The following FBXL2 variants were observed in gnomAD, a reference collection of about 807,000 sequenced individuals.
FBXL2 encodes F-box/LRR-repeat protein 2.
Under a neutral mutation model 69.2 loss-of-function variants are expected in FBXL2, and 38 were observed. The ratio of observed to expected loss-of-function variants is 0.55; its 90% CI spans 0.42 to 0.72. The LOEUF is 0.72. Ranked by LOEUF, FBXL2 falls within the 30% of genes least tolerant of loss-of-function variation. The pLI is 0.00. For synonymous variants in FBXL2, 192 were observed against 201.3 expected (o/e 0.95, Z 0.39); for missense variants, 354 against 520.3 (o/e 0.68, Z 3.11).
chr3:33,281,031 A>AT (rs2033941356), intron 1 of FBXL2, among the ~76,000 whole-genome samples: 1 of 152,096 alleles, frequency 6.6e-6, no homozygotes, highest in African/African-American at 2.4e-5. Context: ...CATTAAAGTG[A>AT]TTTTTTTAAT....
At chr3:33,364,422 T>TA in intron 4 of FBXL2, 1 of 589,346 alleles carries the variant, frequency 1.7e-6, no homozygotes, top group East Asian at 2.9e-5. Flanking sequence ...TTAGAATACT[T>TA]AATGCTTTAA....
chr3:33,376,149 C>G (rs2042621950), intron 10 of FBXL2, among the ~76,000 whole-genome samples: 1 of 143,666 alleles, frequency 7.0e-6, no homozygotes, highest in Non-Finnish European at 1.5e-5. Flanking sequence ...AGAGTGAGAC[C>G]CCATCTCAAA....
chr3:33,373,728 TTTGTG>T, intron 8 of FBXL2, 24 bp downstream of exon 8: 1 of 1,614,110 alleles, frequency 6.2e-7, no homozygotes, highest in Non-Finnish European at 8.5e-7. Context: ...GATACAGCTG[TTTGTG>T]TTATGTGTCA....
At chr3:33,390,292 A>G (rs531586490), downstream of FBXL2, 19 of 1,593,000 alleles carry the variant, frequency 1.2e-5, no homozygotes, top group South Asian at 1.6e-4. Context: ...TTTAAGCGTG[A>G]CTATTTGGTA....
intron 13 of FBXL2, among the ~76,000 whole-genome samples, chr3:33,379,295 C>T (rs1247716668): frequency 6.6e-6 from 1 of 151,688 alleles, no homozygotes; most frequent in East Asian, 1.9e-4. Flanking sequence ...AGCTACCGCA[C>T]CTGACCTGAA....
At chr3:33,363,414 G>T (rs2041762159) in intron 4 of FBXL2, among the ~76,000 whole-genome samples, 1 of 152,198 alleles carries the variant, frequency 6.6e-6, no homozygotes, top group African/African-American at 2.4e-5. Flanking sequence ...TTTATAAAAT[G>T]AGGATAACAT....
intron 1 of FBXL2, among the ~76,000 whole-genome samples, chr3:33,284,957 C>A (rs903813392): frequency 3.9e-5 from 6 of 152,118 alleles, no homozygotes; most frequent in African/African-American, 1.2e-4. Context: ...TGATATGGGT[C>A]TCCTGAATAC....
intron 2 of FBXL2, among the ~76,000 whole-genome samples, chr3:33,329,939 C>T (rs1048228502): frequency 6.6e-5 from 10 of 151,966 alleles, no homozygotes; most frequent in African/African-American, 2.4e-4. Context: ...ATAGTGACAT[C>T]ACACTCAAGC....
chr3:33,297,875 G>T, intron 2 of FBXL2, 150 bp downstream of exon 2: 1 of 671,038 alleles, frequency 1.5e-6, no homozygotes, highest in Non-Finnish European at 2.8e-6. Context: ...ATAGAATGCT[G>T]TTCAGCTTGT....
chr3:33,333,143 G>A (rs77973438), intron 2 of FBXL2, among the ~76,000 whole-genome samples: 1 of 151,952 alleles, frequency 6.6e-6, no homozygotes, highest in Non-Finnish European at 1.5e-5. Flanking sequence ...TTTCTTTTGG[G>A]GCAATGAAAA....
chr3:33,402,734 G>C (rs2044276322), intron 12 of FBXL2: 1 of 1,172,234 alleles, frequency 8.5e-7, no homozygotes, highest in African/African-American at 1.6e-5. Context: ...TGTACATGGA[G>C]AGATGGGGAA....
chr3:33,373,399 A>T (rs575397854), intron 7 of FBXL2, 44 bp downstream of exon 7: 3 of 1,550,510 alleles, frequency 1.9e-6, no homozygotes, highest in Non-Finnish European at 2.7e-6. Context: ...ACCCAAAGCT[A>T]TGAACATTCT....
At chr3:33,412,209 T>G in the FBXL2 span, among the ~76,000 whole-genome samples, 1 of 137,606 alleles carries the variant, frequency 7.3e-6, no homozygotes, top group Non-Finnish European at 1.6e-5. Flanking sequence ...AAAAAAAAGA[T>G]AGATGGTTTA....
intron 2 of FBXL2, among the ~76,000 whole-genome samples, chr3:33,304,504 C>A (rs2036553748): frequency 6.6e-6 from 1 of 152,046 alleles, no homozygotes; most frequent in East Asian, 1.9e-4. Context: ...ATTTTTACTG[C>A]TGTATAATAT....
intron 5 of FBXL2, among the ~76,000 whole-genome samples, chr3:33,369,725 G>A (rs761783963): frequency 1.3e-5 from 2 of 151,916 alleles, no homozygotes; most frequent in Non-Finnish European, 2.9e-5. Flanking sequence ...TGATTCTTGT[G>A]CCTCAGCCTC....
At chr3:33,415,629 T>C in the FBXL2 span, among the ~76,000 whole-genome samples, 2 of 152,218 alleles carry the variant, frequency 1.3e-5, no homozygotes, top group South Asian at 4.1e-4. Context: ...GTTAAAAAAA[T>C]TGTTCTAACA....
intron 2 of FBXL2, among the ~76,000 whole-genome samples, chr3:33,313,206 G>A (rs74517930): frequency 0.026 from 3,920 of 150,194 alleles, 74 homozygotes; most frequent in Non-Finnish European, 0.039. Flanking sequence ...TTCCTTGAAA[G>A]TCACAACCTA....
At chr3:33,317,393 T>C (rs1021464815) in intron 2 of FBXL2, 6 of 451,934 alleles carry the variant, frequency 1.3e-5, no homozygotes, top group Admixed American at 9.5e-5. Context: ...GTGGGTGATA[T>C]GCATTCCTCT....
At chr3:33,328,792 T>G (rs2038914864) in intron 2 of FBXL2, among the ~76,000 whole-genome samples, 1 of 131,306 alleles carries the variant, frequency 7.6e-6, no homozygotes, top group African/African-American at 3.1e-5. Context: ...GGCAAATTTG[T>G]GTGTGTGCAT....
Sources: allele counts gnomAD v4.1 joint callset (sites outside exome capture counted in the v4.1 genomes callset), GRCh38; gene constraint gnomAD v4.1.1; transcripts MANE v1.5; gene names NCBI Gene and HGNC (gene_info 2026-07-23, HGNC 2026-07-21).